ME3: variants seen among roughly 807,000 people sequenced by gnomAD.
The protein encoded by ME3 is malic enzyme 3.
ME3 carries 48 observed loss-of-function variants against 68.9 expected under a neutral mutation model. That is an observed-to-expected ratio of 0.70 (90% CI 0.55 to 0.89). ME3 has a LOEUF of 0.89. Ranked by LOEUF, ME3 falls within the 40% of genes least tolerant of loss-of-function variation. The pLI is 0.00. For missense variants in ME3, 675 were observed against 797.4 expected (o/e 0.85, Z 1.85); for synonymous variants, 320 against 318.8 (o/e 1.00, Z -0.04).
chr11:86,473,103 G>A (rs1287154195), intron 7 of ME3, among the ~76,000 whole-genome samples: 4 of 152,310 alleles, frequency 2.6e-5, no homozygotes, highest in South Asian at 4.1e-4. Flanking sequence ...CAGGGAGCAG[G>A]GCAAGGACAC....
chr11:86,560,770 A>ATATATATATATATATATATT lies in ME3; in HGVS notation c.184-948_184-947insAATATATATATATATATATA, dbSNP rs1405684410. On this transcript the variant is annotated intron_variant, in intron 2 of 14. Coordinates refer to ENST00000543262, the Ensembl canonical transcript of ME3. Reference sequence around the variant, plus strand: ...TGTGTATATATATATATATATATATATATTTCCAGGACCCATCCAGGATCT... The same window carrying ATATATATATATATATATATT: ...TGTGTATATATATATATATATATATATATATATATATATATATATTTATTTCCAGGACCCATCCAGGATCT... 2.8e-3 allele frequency among the ~76,000 whole-genome samples: 363 copies of ATATATATATATATATATATT among 131,828 alleles called. 2 individuals carry two copies. The highest frequency in any genetic ancestry group is 3.7e-3 in the Non-Finnish European group (229 of 61,138). 86.5% of individuals were successfully genotyped at this position (131,828 alleles called of 152,430 possible).
intron 2 of ME3, among the ~76,000 whole-genome samples, chr11:86,597,490 A>G (rs10792860): frequency 0.13 from 19,906 of 152,238 alleles, 1,758 homozygotes; most frequent in East Asian, 0.39. Context: ...GGAAGGAGAA[A>G]CACTAGAAGT....
rs572207540 is a variant in ME3 at position 86,581,220 on chromosome 11, A to G, written c.184-21397T>C. Reference sequence around the variant, plus strand: ...TTGCTAAACTTTTGCTTGTGTGTGTATGTGTGTGTATACACATGCATCCAT... The same window carrying G: ...TTGCTAAACTTTTGCTTGTGTGTGTGTGTGTGTGTATACACATGCATCCAT... On this transcript the variant is annotated intron_variant, in intron 2 of 14. Coordinates refer to ENST00000543262, the Ensembl canonical transcript of ME3. 1.7e-4 allele frequency among the ~76,000 whole-genome samples: 26 copies of G among 152,148 alleles called. No homozygotes were observed. The East Asian group carries it at 2.5e-3, about 15-fold the overall frequency.
At chr11:86,504,260 G>A (rs1365058490) in intron 5 of ME3, among the ~76,000 whole-genome samples, 2 of 152,016 alleles carry the variant, frequency 1.3e-5, no homozygotes, top group Non-Finnish European at 2.9e-5. Flanking sequence ...CCACTTAGCA[G>A]TTGCTGGAGA....
chr11:86,646,026 C>T (rs189472490), intron 2 of ME3, among the ~76,000 whole-genome samples: 10 of 152,214 alleles, frequency 6.6e-5, no homozygotes, highest in South Asian at 6.2e-4. Context: ...AAAGAACGAA[C>T]GCTCAAAAAC....
At chr11:86,599,726 A>T (rs1014914068) in intron 2 of ME3, among the ~76,000 whole-genome samples, 2 of 152,336 alleles carry the variant, frequency 1.3e-5, no homozygotes, top group Admixed American at 1.3e-4. Flanking sequence ...CCACAAAGGG[A>T]AGCCCATCAG....
chr11:86,482,535 C>T (rs554332933), intron 7 of ME3, among the ~76,000 whole-genome samples: 2 of 151,242 alleles, frequency 1.3e-5, no homozygotes, highest in African/African-American at 4.9e-5. Flanking sequence ...GCCCCCAATG[C>T]ACCATACCTC....
chr11:86,621,372 T>A (rs1003149512), intron 2 of ME3, among the ~76,000 whole-genome samples: 9 of 152,130 alleles, frequency 5.9e-5, no homozygotes, highest in Admixed American at 6.5e-5. Context: ...GTTTTTAAAC[T>A]TTTTTGCTCC....
rs192637659 is a variant in ME3, at chr11:86,468,433, T to C, written c.810-3233A>G. ...CATCCATCCATCATCCATCCATCCT[T>C]GATTTATCCATCCATCCATTCACCC... On this transcript the variant is annotated intron_variant, in intron 7 of 14. Coordinates refer to ENST00000543262, the Ensembl canonical transcript of ME3. Among the ~76,000 whole-genome samples, 6 of 152,264 alleles carry C rather than the reference T, an allele frequency of 3.9e-5. No homozygotes were observed. In the East Asian group the frequency reaches 1.2e-3, roughly 29 times the overall value.
intron 2 of ME3, among the ~76,000 whole-genome samples, chr11:86,647,415 G>A (rs1945090836): frequency 6.6e-6 from 1 of 151,922 alleles, no homozygotes; most frequent in Non-Finnish European, 1.5e-5. Context: ...AACCTAGGAG[G>A]CGGAGCTTGC....
chr11:86,568,756 G>A (rs1286162841), intron 2 of ME3, among the ~76,000 whole-genome samples: 1 of 152,182 alleles, frequency 6.6e-6, no homozygotes, highest in Non-Finnish European at 1.5e-5. Flanking sequence ...TTTGTGATCT[G>A]CCTAGTGCCT....
rs552120994 is a variant in ME3 at position 86,561,677 on chromosome 11, C to T, written c.184-1854G>A. Among the ~76,000 whole-genome samples, 42 of 152,316 alleles carry T rather than the reference C, an allele frequency of 2.8e-4. No homozygotes were observed. The East Asian group carries it at 5.8e-3, about 21-fold the overall frequency. On this transcript the variant is annotated intron_variant, in intron 2 of 14. Transcript: ENST00000543262. ...CTTAATTGCTTAATTTCAGTATACA[C>T]ATATAGCAGTTTCAAAATGGTTAAC...
At chr11:86,528,056 T>C (rs1001317082) in intron 4 of ME3, among the ~76,000 whole-genome samples, 16 of 152,176 alleles carry the variant, frequency 1.1e-4, no homozygotes, top group African/African-American at 2.4e-4. Flanking sequence ...AAGACACAGA[T>C]TGGCAAATTG....
chr11:86,525,559 T>C (rs1954668117), intron 4 of ME3, among the ~76,000 whole-genome samples: 1 of 150,872 alleles, frequency 6.6e-6, no homozygotes, highest in African/African-American at 2.4e-5. Context: ...AAAGATTCAG[T>C]TCACCTTTAA....
chr11:86,559,663 C>G (rs1405425771), intron 3 of ME3, 27 bp downstream of exon 3: 2 of 1,595,974 alleles, frequency 1.3e-6, no homozygotes, highest in African/African-American at 1.3e-5. Context: ...AAGGACCAGA[C>G]AGAGAGAACA....
chr11:86,542,019 G>A (rs1390486525), intron 4 of ME3, among the ~76,000 whole-genome samples: 1 of 152,194 alleles, frequency 6.6e-6, no homozygotes, highest in Non-Finnish European at 1.5e-5. Flanking sequence ...ACAGGGTCTG[G>A]AGTGGACCTC....
intron 2 of ME3, among the ~76,000 whole-genome samples, chr11:86,606,396 G>A (rs977640810): frequency 3.9e-5 from 6 of 152,188 alleles, no homozygotes; most frequent in African/African-American, 1.4e-4. Flanking sequence ...ACAGCAGAGA[G>A]ATGGGTGCGT....
At chr11:86,670,722 C>T (rs1399236360) in intron 2 of ME3, among the ~76,000 whole-genome samples, 1 of 152,064 alleles carries the variant, frequency 6.6e-6, no homozygotes, top group East Asian at 1.9e-4. Context: ...TACAGACTGC[C>T]TCACCTGAAT....
intron 7 of ME3, among the ~76,000 whole-genome samples, chr11:86,483,805 A>G (rs1322291548): frequency 6.6e-6 from 1 of 152,190 alleles, no homozygotes. Flanking sequence ...CAATTATCAG[A>G]CAGAGTTAGG....
Sources: gnomAD v4.1 joint callset for allele counts (sites outside exome capture counted in the v4.1 genomes callset) on GRCh38, gnomAD v4.1.1 for gene constraint, MANE v1.5 for transcripts, NCBI Gene and HGNC (gene_info 2026-07-23, HGNC 2026-07-21) for gene names.